F12: variants seen among roughly 807,000 people sequenced by gnomAD.
The protein encoded by F12 is coagulation factor XII.
Under a neutral mutation model 74.8 loss-of-function variants are expected in F12, and 70 were observed. The observed-to-expected ratio is 0.94, with a 90% CI of 0.77 to 1.14. The LOEUF is 1.14. F12 is among the 50% of genes most tolerant of loss of function. F12 has a pLI of 0.00. For missense variants in F12, 811 were observed against 835.7 expected (o/e 0.97, Z 0.36); for synonymous variants, 373 against 356.4 (o/e 1.05, Z -0.52).
At position 177,403,627 on chromosome 5, in the gene F12, G is replaced by T. The variant is rs755250673; in HGVS notation, c.1251-10C>A. 6 of 1,600,448 alleles carry T rather than the reference G, an allele frequency of 3.7e-6. No homozygotes were observed. The highest frequency in any genetic ancestry group is 3.3e-5 in the South Asian group (3 of 90,806). The stretch of plus-strand genomic sequence containing the variant: ...ATCCTCGGGTGCGGGCCTGCGGGGG[G>T]GGTAGGGGAGAGGCAGCGCTCTCAG... On this transcript the variant is annotated splice_polypyrimidine_tract_variant and intron_variant, in intron 10 of 13. Coordinates refer to ENST00000253496, the MANE Select transcript of F12 (RefSeq NM_000505.4).
At chr5:177,403,751 G>A in intron 10 of F12, 108 bp downstream of exon 10, 1 of 1,466,574 alleles carries the variant, frequency 6.8e-7, no homozygotes, top group Non-Finnish European at 9.1e-7. Context: ...TGGAAAGAAG[G>A]GTGGGGCGGG....
intron 2 of F12, among the ~76,000 whole-genome samples, chr5:177,407,579 G>GT (rs1230296755): frequency 6.6e-5 from 10 of 152,296 alleles, no homozygotes; most frequent in Admixed American, 1.3e-4. Flanking sequence ...GAGGGCAGGA[G>GT]TTCGAGACCA....
chr5:177,403,781 C>T, intron 10 of F12, 78 bp downstream of exon 10: 1 of 1,457,400 alleles, frequency 6.9e-7, no homozygotes. Context: ...GGCACGGGTT[C>T]GGGTGCAGCG....
Position 177,404,546 on chromosome 5 carries a change from A to C in F12, c.753T>G (p.Thr251=). 2 of 1,604,046 alleles carry C rather than the reference A, an allele frequency of 1.2e-6. No individual in the cohort carries two copies. The highest frequency in any genetic ancestry group is 1.7e-6 in the Non-Finnish European group (2 of 1,176,266). ...WASEATYRNV[T]AEQARNWGLG... is the part of the protein sequence containing the mutation. ...GTCCCCAGTTCCGCGCTTGCTCGGC[A>C]GTCACGTTCCGGTAGGTGGCCTCCG... Residue 251 remains threonine, a synonymous_variant, in exon 8 of 14, where the codon ACT becomes ACG. Coordinates refer to ENST00000253496, the MANE Select transcript of F12 (RefSeq NM_000505.4).
chr5:177,404,984 C>T (rs1397148255), intron 6 of F12, 70 bp from the exon 7 acceptor site: 1 of 1,590,960 alleles, frequency 6.3e-7, no homozygotes, highest in African/African-American at 1.3e-5. Context: ...CTTCCTGGCA[C>T]ACCACCCGGC....
intron 2 of F12, among the ~76,000 whole-genome samples, chr5:177,406,721 T>C (rs1367418448): frequency 6.6e-6 from 1 of 152,242 alleles, no homozygotes; most frequent in Non-Finnish European, 1.5e-5. Flanking sequence ...ATAGTACAGT[T>C]GATCCTCATT....
intron 2 of F12, among the ~76,000 whole-genome samples, chr5:177,406,554 C>G (rs1363684760): frequency 6.6e-6 from 1 of 152,018 alleles, no homozygotes; most frequent in African/African-American, 2.4e-5. Flanking sequence ...ACTCCACAAC[C>G]TGCTAGCTGT....
In F12 at chr5:177,403,477, G is replaced by C. The variant is rs761161412; in HGVS notation, c.1387+4C>G. 195 of 1,559,694 alleles carry C rather than the reference G, an allele frequency of 1.3e-4. No individual in the cohort carries two copies. Among genetic ancestry groups the C allele is most frequent in the Middle Eastern group, 1.2e-3 (7 of 6,016 alleles). On this transcript the variant is annotated splice_donor_region_variant and intron_variant, in intron 11 of 13. Coordinates refer to ENST00000253496, the MANE Select transcript of F12 (RefSeq NM_000505.4). ...TCCCGTCCCCGCGGGGCGCCCCCACGCACCCAGGTCGTGCTGGTAGCTGAC... is the reference window on the plus strand; with the variant it reads ...TCCCGTCCCCGCGGGGCGCCCCCACCCACCCAGGTCGTGCTGGTAGCTGAC...
chr5:177,408,997 T>C (rs1444112847), intron 2 of F12, 49 bp downstream of exon 2: 3 of 1,535,344 alleles, frequency 2.0e-6, no homozygotes, highest in Non-Finnish European at 2.6e-6. Flanking sequence ...CACTGCACCA[T>C]ACACATCCCC....
rs6556320 is a variant in F12 at position 177,405,031 on chromosome 5, C to T, written c.529+23G>A. The T allele has an allele frequency of 3.3e-3, 5,293 of 1,609,440 alleles. 133 individuals carry two copies. In the African/African-American group the frequency reaches 0.063, roughly 19 times the overall value. ...CTGTCTTCCTGACGCTCCTCCCTGG[C>T]CCGTTCCCAACCATCTGCTCACCCT... On this transcript the variant is annotated intron_variant, in intron 6 of 13. Transcript: ENST00000253496.
chr5:177,405,872 C>T (rs1401950676), intron 3 of F12, 67 bp from the exon 4 acceptor site: 6 of 1,602,920 alleles, frequency 3.7e-6, no homozygotes, highest in Non-Finnish European at 5.1e-6. Flanking sequence ...TATCACAGTC[C>T]CCTCTCTCCA....
intron 2 of F12, among the ~76,000 whole-genome samples, 185 bp downstream of exon 2, chr5:177,408,861 G>A (rs1042010414): frequency 3.3e-5 from 5 of 152,222 alleles, no homozygotes; most frequent in Non-Finnish European, 7.3e-5. Context: ...AGCCAGGCTC[G>A]TGGGCACTTA....
intron 11 of F12, 22 bp downstream of exon 11, chr5:177,403,459 C>G (rs768210500): frequency 6.4e-7 from 1 of 1,558,688 alleles, no homozygotes; most frequent in African/African-American, 1.4e-5. Context: ...TCTTCCCGTC[C>G]CCGCGGGGCG....
intron 3 of F12, 27 bp downstream of exon 3, chr5:177,405,934 CT>C: frequency 2.5e-6 from 4 of 1,610,384 alleles, no homozygotes; most frequent in Non-Finnish European, 2.5e-6. Context: ...TCCCAGGCCC[CT>C]GCTCCAACTC....
In F12 at chr5:177,402,226, C is replaced by T. The variant is rs552477138; in HGVS notation, c.*66G>A. On this transcript the variant is annotated 3_prime_UTR_variant, in exon 14 of 14. Transcript: ENST00000253496. ...CTGGGGGAATGGGACACAATCTTGC[C>T]TTCCATGCCCCAGCCACTCTCTCAC... The T allele has an allele frequency of 3.1e-5, 49 of 1,591,888 alleles. No homozygotes were observed. In the African/African-American group the frequency reaches 4.0e-4, roughly 13 times the overall value.
Position 177,405,718 on chromosome 5 carries a change from G to A in F12, c.286+17C>T. On this transcript the variant is annotated intron_variant, in intron 4 of 13. Coordinates refer to ENST00000253496, the MANE Select transcript of F12 (RefSeq NM_000505.4). ...GAGGAGAGAGCCCCAGGCCACCCCA[G>A]AGGCTGTGTGTAGCACCTTTCACTT... is the stretch of plus-strand genomic sequence containing the variant. 1 of 1,613,776 alleles carries A rather than the reference G, an allele frequency of 6.2e-7. No individual in the cohort carries two copies. The highest frequency in any genetic ancestry group is 8.5e-7 in the Non-Finnish European group (1 of 1,179,650).
intron 2 of F12, among the ~76,000 whole-genome samples, chr5:177,407,115 T>A (rs1162342397): frequency 6.6e-6 from 1 of 152,224 alleles, no homozygotes; most frequent in Non-Finnish European, 1.5e-5. Flanking sequence ...CAGCTTAGCA[T>A]TGATGAATCA....
intron 12 of F12, 95 bp downstream of exon 12, chr5:177,403,159 G>A: frequency 6.5e-7 from 1 of 1,534,654 alleles, no homozygotes; most frequent in Non-Finnish European, 8.9e-7. Context: ...CATTCTGTAG[G>A]CACCCGGAAC....
intron 4 of F12, 37 bp from the exon 5 acceptor site, chr5:177,405,470 C>G (rs1052444215): frequency 4.4e-6 from 7 of 1,586,618 alleles, no homozygotes; most frequent in African/African-American, 2.7e-5. Context: ...GAGCAGGGAG[C>G]TGAGTCACAC....
Sources: gnomAD v4.1 joint callset for allele counts (sites outside exome capture counted in the v4.1 genomes callset) on GRCh38, gnomAD v4.1.1 for gene constraint, MANE v1.5 for transcripts, NCBI Gene and HGNC (gene_info 2026-07-23, HGNC 2026-07-21) for gene names.